Variants in SYNPO observed in about 807,000 individuals in gnomAD.
SYNPO encodes synaptopodin.
SYNPO carries 19 observed loss-of-function variants against 49.5 expected under a neutral mutation model. That is an observed-to-expected ratio of 0.38 (90% confidence interval 0.27 to 0.56). The LOEUF (loss-of-function observed/expected upper bound fraction) is 0.56. Ranked by LOEUF, SYNPO falls within the 20% of genes least tolerant of loss-of-function variation. SYNPO has a pLI of 0.68. For missense variants in SYNPO, 1,131 were observed against 1,248.3 expected (o/e 0.91, Z 1.42); for synonymous variants, 536 against 548.0 (o/e 0.98, Z 0.31).
chr5:150,625,796 A>G (rs184089550), intron 2 of SYNPO, among the ~76,000 whole-genome samples: 3,806 of 152,320 alleles, frequency 0.025, 152 homozygotes, highest in African/African-American at 0.086. Context: ...AACTCCGTCC[A>G]TGGGGTCCAG....
upstream of SYNPO, among the ~76,000 whole-genome samples, chr5:150,598,599 TAGTATCCAGATA>T (rs1223518918): frequency 6.6e-6 from 1 of 152,102 alleles, no homozygotes; most frequent in Non-Finnish European, 1.5e-5. Context: ...ATGAGATAAT[TAGTATCCAGATA>T]AGTATCCAGA....
At position 150,642,790 on chromosome 5, in the gene SYNPO, T is replaced by A. The variant is rs138780748; in HGVS notation, c.-333+1936T>A. Among the ~76,000 whole-genome samples the A allele has an allele frequency of 3.9e-4, 59 of 152,346 alleles. 1 individual carries two copies. The highest frequency in any genetic ancestry group is 1.3e-3 in the African/African-American group (56 of 41,578). On this transcript the variant is annotated intron_variant, in intron 1 of 2. Coordinates refer to ENST00000307662, the MANE Select transcript of SYNPO (RefSeq NM_007286.6). Reference sequence around the variant, plus strand: ...GGCTGGAGTGCGGGCTGCAGGAGCTTGCCTTGGAGGGCAGGGCTCTCTTAC... The same window carrying A: ...GGCTGGAGTGCGGGCTGCAGGAGCTAGCCTTGGAGGGCAGGGCTCTCTTAC...
chr5:150,605,243 C>T (rs1756658704), intron 1 of SYNPO, among the ~76,000 whole-genome samples: 1 of 152,196 alleles, frequency 6.6e-6, no homozygotes. Flanking sequence ...CCAGGTGGGG[C>T]TCTCCCTGAG....
At position 150,656,454 on chromosome 5, in the gene SYNPO, C is replaced by G; in HGVS notation, c.2079C>G (p.Ser693=). 1 of 1,532,646 alleles carries G rather than the reference C, an allele frequency of 6.5e-7. No individual in the cohort carries two copies. The highest frequency in any genetic ancestry group is 8.7e-7 in the Non-Finnish European group (1 of 1,145,554). 94.9% of individuals were successfully genotyped at this position (1,532,646 alleles called of 1,614,324 possible). Residue 693 remains serine (S), a synonymous_variant, in exon 3 of 3, where the codon TCC becomes TCG. Transcript: ENST00000307662. The part of the protein sequence containing the change: ...PTSPPWTPGA[S]RPPSSLDGWV... ...CCCCACCCTGGACGCCGGGCGCGTCCCGGCCCCCCAGCAGCCTAGACGGCT... is the reference window on the plus strand; with the variant it reads ...CCCCACCCTGGACGCCGGGCGCGTCGCGGCCCCCCAGCAGCCTAGACGGCT...
chr5:150,620,329 T>C (rs1757112880), intron 2 of SYNPO, among the ~76,000 whole-genome samples: 1 of 152,232 alleles, frequency 6.6e-6, no homozygotes, highest in Admixed American at 6.5e-5. Flanking sequence ...GGACTGCTAT[T>C]ATTTGTTAGA....
upstream of SYNPO, among the ~76,000 whole-genome samples, chr5:150,637,375 T>C (rs371045739): frequency 2.0e-5 from 3 of 152,182 alleles, no homozygotes; most frequent in East Asian, 1.9e-4. Context: ...TCACAGCCTG[T>C]GAGGATAAAA....
At chr5:150,637,444 G>T (rs997026854), upstream of SYNPO, among the ~76,000 whole-genome samples, 4 of 152,224 alleles carry the variant, frequency 2.6e-5, no homozygotes, top group Admixed American at 2.0e-4. Context: ...CATTAGAAGT[G>T]CTCAGTAAGC....
Position 150,657,005 on chromosome 5 carries a change from A to G in SYNPO, c.2630A>G (p.Tyr877Cys). 1 of 1,601,684 alleles carries G rather than the reference A, an allele frequency of 6.2e-7. No individual in the cohort carries two copies. Among genetic ancestry groups the G allele is most frequent in the South Asian group, 1.1e-5 (1 of 88,930 alleles). Reference sequence around the variant, plus strand: ...GCTAAGTCTCCAGGCATCCTGGGCTACAATATCTGTCCCCGCGGGTGGAAT... The same window carrying G: ...GCTAAGTCTCCAGGCATCCTGGGCTGCAATATCTGTCCCCGCGGGTGGAAT... ...SGAKSPGILG[Y>C]NICPRGWNGS... Residue 877 changes from tyrosine (Y) to cysteine (C), a missense_variant, in exon 3 of 3, where the codon TAC (tyrosine) becomes TGC (cysteine). Physicochemically the swap from Tyr to Cys is radical, Grantham distance 194. Transcript: ENST00000307662.
At chr5:150,646,209 G>A (rs967061705) in intron 1 of SYNPO, among the ~76,000 whole-genome samples, 1 of 150,878 alleles carries the variant, frequency 6.6e-6, no homozygotes, top group Non-Finnish European at 1.5e-5. Context: ...GTGTGGTGGC[G>A]CACACCGATA....
In SYNPO at chr5:150,656,571, G is replaced by A; in HGVS notation, c.2196G>A (p.Trp732Ter). The change falls in exon 3 of 3, where the codon TGG (tryptophan) becomes TGA (stop). Residue 732 changes from tryptophan (W) to a stop codon, truncating the protein, a stop_gained. Transcript: ENST00000307662. LOFTEE classifies it low-confidence loss of function (END_TRUNC). ...CGCCACCGCCCATGTCTCCCTCGTG[G>A]AGCGAGCGCTCGGTGTCCCCGCTGC... Reference protein sequence around the residue: ...LPPPPPMSPSWSERSVSPLRP... With the variant: ...LPPPPPMSPS 1 of 1,522,946 alleles carries A rather than the reference G, an allele frequency of 6.6e-7. No individual in the cohort carries two copies. The highest frequency in any genetic ancestry group is 1.2e-5 in the South Asian group (1 of 82,680). The allele number at this position is 1,522,946 out of a possible 1,614,324, so 94.3% of individuals were successfully genotyped here.
chr5:150,656,270 C>T lies in SYNPO; in HGVS notation c.2029-134C>T, dbSNP rs1257973458. 4 of 686,250 alleles carry T rather than the reference C, an allele frequency of 5.8e-6. No individual in the cohort carries two copies. In the East Asian group the frequency reaches 1.3e-4, roughly 22 times the overall value. 42.5% of individuals were successfully genotyped at this position (686,250 alleles called of 1,614,324 possible). ...GAGTTTGGGCGCCTGCGTTTTATTGCAGGCACTACCTGACTTGGATCGGTG... is the reference window on the plus strand; with the variant it reads ...GAGTTTGGGCGCCTGCGTTTTATTGTAGGCACTACCTGACTTGGATCGGTG... On this transcript the variant is annotated intron_variant, in intron 2 of 2. Coordinates refer to ENST00000307662, the MANE Select transcript of SYNPO (RefSeq NM_007286.6).
At chr5:150,591,154 C>T in the SYNPO span, among the ~76,000 whole-genome samples, 3 of 152,052 alleles carry the variant, frequency 2.0e-5, no homozygotes, top group Admixed American at 1.3e-4. Context: ...CCCTGACTCC[C>T]GGAGGCAGCC....
At chr5:150,639,537 G>A (rs1456298388), upstream of SYNPO, among the ~76,000 whole-genome samples, 2 of 152,200 alleles carry the variant, frequency 1.3e-5, no homozygotes, top group East Asian at 1.9e-4. Context: ...GAAGGAAGGC[G>A]TCCAGGCTTG....
upstream of SYNPO, among the ~76,000 whole-genome samples, chr5:150,598,863 C>G (rs1756471071): frequency 6.6e-6 from 1 of 151,490 alleles, no homozygotes; most frequent in Non-Finnish European, 1.5e-5. Flanking sequence ...AAGGTGCAGG[C>G]TGACATGGTG....
chr5:150,652,161 T>G (rs1427168901), intron 2 of SYNPO: 1 of 1,002,082 alleles, frequency 1.0e-6, no homozygotes, highest in Admixed American at 6.1e-5. Context: ...GCTCAGCTCC[T>G]TCAGGCCTGG....
At chr5:150,639,151 A>G (rs1054862593), upstream of SYNPO, among the ~76,000 whole-genome samples, 24 of 152,374 alleles carry the variant, frequency 1.6e-4, no homozygotes, top group African/African-American at 5.0e-4. Flanking sequence ...GGCCCTGGTC[A>G]GCCAACAGGG....
At chr5:150,610,283 C>A (rs1479007353) in intron 1 of SYNPO, among the ~76,000 whole-genome samples, 1 of 152,196 alleles carries the variant, frequency 6.6e-6, no homozygotes, top group South Asian at 2.1e-4. Context: ...GCCACAGTCA[C>A]AGGCACGGCA....
chr5:150,612,286 C>A (rs763915165), intron 1 of SYNPO, among the ~76,000 whole-genome samples: 15 of 152,156 alleles, frequency 9.9e-5, no homozygotes, highest in Non-Finnish European at 1.6e-4. Context: ...CCTCAGGATG[C>A]CTCCGTTTTG....
At chr5:150,632,775 T>G (rs1177272587) in intron 2 of SYNPO, among the ~76,000 whole-genome samples, 2 of 152,168 alleles carry the variant, frequency 1.3e-5, no homozygotes, top group Non-Finnish European at 2.9e-5. Context: ...TAGCCGGTGC[T>G]ATTCTTAGTG....
Sources: allele counts gnomAD v4.1 joint callset (sites outside exome capture counted in the v4.1 genomes callset), GRCh38; gene constraint gnomAD v4.1.1; transcripts MANE v1.5; gene names NCBI Gene and HGNC (gene_info 2026-07-23, HGNC 2026-07-21).